CALN1: variants seen among roughly 807,000 people sequenced by gnomAD.
CALN1 encodes the protein calneuron 1.
CALN1 carries 17 observed loss-of-function variants against 30.6 expected under a neutral mutation model. The observed-to-expected ratio is 0.56, with a 90% confidence interval of 0.38 to 0.83. The LOEUF is 0.83. Ranked by LOEUF, CALN1 falls within the 40% of genes least tolerant of loss-of-function variation. The pLI is 0.00. For synonymous variants in CALN1, 156 were observed against 131.4 expected (o/e 1.19, Z -1.28); for missense variants, 291 against 354.9 (o/e 0.82, Z 1.45).
intron 2 of CALN1, among the ~76,000 whole-genome samples, chr7:72,359,646 A>G (rs886531393): frequency 3.3e-5 from 5 of 152,098 alleles, no homozygotes; most frequent in East Asian, 1.9e-4. Context: ...AAAACCTCAT[A>G]CAAACTCAAT....
At chr7:72,328,985 A>C (rs1199674353) in intron 2 of CALN1, among the ~76,000 whole-genome samples, 2 of 152,226 alleles carry the variant, frequency 1.3e-5, no homozygotes, top group Non-Finnish European at 2.9e-5. Context: ...GCGTAAGCCA[A>C]CGTGCCCAGC....
intron 6 of CALN1, among the ~76,000 whole-genome samples, chr7:71,801,374 G>A (rs1011826697): frequency 1.4e-5 from 2 of 138,704 alleles, no homozygotes; most frequent in African/African-American, 5.3e-5. Flanking sequence ...CACCATGCCT[G>A]GTTATGTATG....
intron 4 of CALN1, among the ~76,000 whole-genome samples, chr7:72,054,506 TATAC>T (rs1409329382): frequency 1.7e-4 from 20 of 115,016 alleles, no homozygotes; most frequent in African/African-American, 8.7e-4. Flanking sequence ...TATACATATA[TATAC>T]ATATATATAC....
intron 2 of CALN1, among the ~76,000 whole-genome samples, chr7:72,376,437 G>A: frequency 6.6e-6 from 1 of 152,024 alleles, no homozygotes; most frequent in Admixed American, 6.6e-5. Context: ...ATATTATTGT[G>A]GTTTTGATTT....
chr7:72,470,699 T>C, the CALN1 span, among the ~76,000 whole-genome samples: 8 of 152,170 alleles, frequency 5.3e-5, no homozygotes, highest in Admixed American at 5.2e-4. Context: ...ATAAAATATG[T>C]CATATGTTGT....
At chr7:71,848,118 G>A (rs1039203403) in intron 5 of CALN1, among the ~76,000 whole-genome samples, 3 of 152,192 alleles carry the variant, frequency 2.0e-5, no homozygotes, top group Admixed American at 6.5e-5. Context: ...CATTGCAGAA[G>A]TGAAACTGGT....
At chr7:72,083,775 T>C (rs553012484) in intron 4 of CALN1, among the ~76,000 whole-genome samples, 1 of 151,948 alleles carries the variant, frequency 6.6e-6, no homozygotes, top group South Asian at 2.1e-4. Flanking sequence ...AAAAATTAGC[T>C]GGGCATGGTG....
intron 1 of CALN1, among the ~76,000 whole-genome samples, chr7:72,417,477 T>C (rs1225017091): frequency 1.3e-5 from 2 of 152,246 alleles, no homozygotes; most frequent in African/African-American, 4.8e-5. Context: ...GGGGTGGCTT[T>C]CTACTTCTGT....
rs578056493 is a variant in CALN1 at position 72,066,946 on chromosome 7, T to C, written c.388+39205A>G. ...ACAGGCACGTGCCACCATGCCCAGC[T>C]AATTTTTTTTTTTTTGTATTTTAGT... On this transcript the variant is annotated intron_variant, in intron 4 of 6. Transcript: ENST00000395275. 3.9e-3 allele frequency among the ~76,000 whole-genome samples: 590 copies of C among 150,808 alleles called. 2 individuals are homozygous for C. The highest frequency in any genetic ancestry group is 6.7e-3 in the Non-Finnish European group (458 of 67,876).
At chr7:72,185,425 A>G (rs1297080519) in intron 3 of CALN1, among the ~76,000 whole-genome samples, 1 of 152,178 alleles carries the variant, frequency 6.6e-6, no homozygotes, top group Non-Finnish European at 1.5e-5. Flanking sequence ...TTTCATGGAC[A>G]AGGCCCTGGG....
chr7:71,819,389 C>T (rs897671145), intron 5 of CALN1, among the ~76,000 whole-genome samples: 4 of 150,808 alleles, frequency 2.7e-5, no homozygotes, highest in African/African-American at 7.3e-5. Context: ...TTGTATTCAC[C>T]ATGTTGGTTT....
At position 71,971,985 on chromosome 7, in the gene CALN1, GAAAGAAAGAGAA is replaced by G. The variant is rs1797856985; in HGVS notation, c.501+51660_501+51671del. Among the ~76,000 whole-genome samples the G allele has an allele frequency of 2.2e-5, 2 of 92,252 alleles. 1 individual carries two copies. Among genetic ancestry groups the G allele is most frequent in the South Asian group, 7.3e-4 (2 of 2,730 alleles). 60.5% of individuals were successfully genotyped at this position (92,252 alleles called of 152,430 possible). ...AGAAAGAAAGAAAGAAAGAAAGAAA[GAAAGAAAGAGAA>G]AGAAAGAAAAAAAGAAAGAAAAGAA... On this transcript the variant is annotated intron_variant, in intron 5 of 6. Coordinates refer to ENST00000395275, the MANE Select transcript of CALN1 (RefSeq NM_031468.4).
intron 5 of CALN1, among the ~76,000 whole-genome samples, chr7:71,956,839 G>C (rs1009168066): frequency 6.6e-6 from 1 of 152,006 alleles, no homozygotes; most frequent in Non-Finnish European, 1.5e-5. Flanking sequence ...TGGAATTACA[G>C]GCACCCACCA....
chr7:71,859,923 C>T (rs911886851), intron 5 of CALN1, among the ~76,000 whole-genome samples: 3 of 152,200 alleles, frequency 2.0e-5, no homozygotes, highest in African/African-American at 7.2e-5. Context: ...AGATTGATAA[C>T]ATTTACTAAA....
chr7:72,470,542 T>C, the CALN1 span, among the ~76,000 whole-genome samples: 95 of 152,308 alleles, frequency 6.2e-4, no homozygotes, highest in Middle Eastern at 0.01. Flanking sequence ...GGGATAGATT[T>C]CTTGTTTTTC....
chr7:71,825,523 G>A (rs532771607), intron 5 of CALN1, among the ~76,000 whole-genome samples: 285 of 152,166 alleles, frequency 1.9e-3, no homozygotes, highest in Middle Eastern at 3.4e-3. Context: ...GAGGTTTAAT[G>A]GACTCACACT....
chr7:72,023,190 A>G (rs1400542010), intron 5 of CALN1, among the ~76,000 whole-genome samples: 3 of 152,214 alleles, frequency 2.0e-5, no homozygotes, highest in African/African-American at 7.2e-5. Context: ...GAGATTTTAC[A>G]AGATAGAAAC....
chr7:71,981,847 G>A (rs929023848), intron 5 of CALN1, among the ~76,000 whole-genome samples: 1 of 152,004 alleles, frequency 6.6e-6, no homozygotes, highest in Admixed American at 6.6e-5. Context: ...AAACCCCTGC[G>A]CATCTGGTCA....
At chr7:71,899,895 TC>T (rs1793757036) in intron 5 of CALN1, among the ~76,000 whole-genome samples, 1 of 152,112 alleles carries the variant, frequency 6.6e-6, no homozygotes, top group African/African-American at 2.4e-5. Context: ...AAATGTAAGC[TC>T]TAGAAGGACT....
Sources: allele counts gnomAD v4.1 joint callset (sites outside exome capture counted in the v4.1 genomes callset), GRCh38; gene constraint gnomAD v4.1.1; transcripts MANE v1.5; gene names NCBI Gene and HGNC (gene_info 2026-07-23, HGNC 2026-07-21).